CD46: variants seen among roughly 807,000 people sequenced by gnomAD.
CD46 encodes CD46 molecule.
In CD46, 30 loss-of-function variants were observed where a neutral mutation model predicts 53.3. The ratio of observed to expected loss-of-function variants is 0.56; its 90% CI spans 0.42 to 0.76. The LOEUF (loss-of-function observed/expected upper bound fraction) is 0.76. Ranked by LOEUF, CD46 falls within the 30% of genes least tolerant of loss-of-function variation. The probability of loss-of-function intolerance (pLI) is 0.00; values close to 1 mark genes in which losing one functional copy is unlikely to be tolerated. For missense variants in CD46, 409 were observed against 463.0 expected, an observed-to-expected ratio of 0.88 and a Z score of 1.07; for synonymous variants, 142 against 152.0, an observed-to-expected ratio of 0.93 and a Z score of 0.48.
intron 3 of CD46, among the ~76,000 whole-genome samples, chr1:207,757,851 C>A (rs1655739332): frequency 6.6e-6 from 1 of 152,224 alleles, no homozygotes; most frequent in Non-Finnish European, 1.5e-5. Flanking sequence ...AAACTACTTG[C>A]TGTTTCTGAC....
chr1:207,788,360 C>CAA (rs1205954774), intron 11 of CD46, among the ~76,000 whole-genome samples: 50 of 80,100 alleles, frequency 6.2e-4, no homozygotes, highest in Middle Eastern at 0.013. Context: ...ACTAAAAATA[C>CAA]AAAAAAAAAA....
intron 8 of CD46, among the ~76,000 whole-genome samples, chr1:207,772,151 C>T (rs1479669538): frequency 6.6e-6 from 1 of 152,096 alleles, no homozygotes; most frequent in East Asian, 1.9e-4. Flanking sequence ...GTATTTTATT[C>T]TCTTTGTAGC....
At chr1:207,765,306 T>C (rs1656721580) in intron 5 of CD46, among the ~76,000 whole-genome samples, 1 of 152,252 alleles carries the variant, frequency 6.6e-6, no homozygotes, top group African/African-American at 2.4e-5. Flanking sequence ...AGAAGGGTAC[T>C]ATCTATCTTA....
At chr1:207,791,612 T>C (rs982473576) in intron 12 of CD46, among the ~76,000 whole-genome samples, 39 of 152,326 alleles carry the variant, frequency 2.6e-4, no homozygotes, top group Non-Finnish European at 4.7e-4. Context: ...AAAACGTAGT[T>C]CTGTAATTTT....
In CD46 at chr1:207,761,295, C is replaced by T. The variant is rs767236597; in HGVS notation, c.522C>T (p.Thr174=). The T allele has an allele frequency of 3.1e-6, 5 of 1,612,968 alleles. No homozygotes were observed. In the Admixed American group the frequency reaches 8.3e-5, roughly 27 times the overall value. ...CAAAAATAAAAAATGGAAAACACACCTTTAGTGAAGTAGAAGTATTTGAGT... is the reference window on the plus strand; with the variant it reads ...CAAAAATAAAAAATGGAAAACACACTTTTAGTGAAGTAGAAGTATTTGAGT... ...PPPKIKNGKH[T]FSEVEVFEYL... is the part of the protein sequence containing the mutation. The change falls in exon 5 of 13, where the codon ACC becomes ACT. Residue 174 remains threonine (T), a synonymous_variant. Transcript: ENST00000367042.
chr1:207,761,251 GT>G lies in CD46; in HGVS notation c.482del (p.Leu161CysfsTer8). 6.3e-7 allele frequency: 1 copy of G among 1,597,616 alleles called. No individual in the cohort carries two copies. Among genetic ancestry groups the G allele is most frequent in the Non-Finnish European group, 8.6e-7 (1 of 1,165,784 alleles). On this transcript the variant is annotated frameshift_variant, in exon 5 of 13. Coordinates refer to ENST00000367042, the MANE Select transcript of CD46 (RefSeq NM_172351.3). LOFTEE classifies it high-confidence loss of function. ...WSGKPPICEK[V>X]LCTPPPKIKN... The stretch of plus-strand genomic sequence containing the variant: ...TCCTCTTTTTCTTCATTTTTAAGAG[GT>G]TTTGTGTACACCACCTCCAAAAATA...
Position 207,785,023 on chromosome 1 carries a change from A to C in CD46, c.983-48A>C, listed in dbSNP as rs374351709. On this transcript the variant is annotated intron_variant, in intron 9 of 12. Coordinates refer to ENST00000367042, the MANE Select transcript of CD46 (RefSeq NM_172351.3). Reference sequence around the variant, plus strand: ...AGATGATCTGATTGAAATAAATGCTATCTGGAGATCCATGTGTTCAACATC... The same window carrying C: ...AGATGATCTGATTGAAATAAATGCTCTCTGGAGATCCATGTGTTCAACATC... 13 of 1,510,134 alleles carry C rather than the reference A, an allele frequency of 8.6e-6. No individual in the cohort carries two copies. In the African/African-American group the frequency reaches 1.2e-4, roughly 14 times the overall value. The allele number at this position is 1,510,134 out of a possible 1,614,324, so 93.5% of individuals were successfully genotyped here.
chr1:207,790,565 A>G (rs572790286), intron 12 of CD46, among the ~76,000 whole-genome samples: 3 of 152,312 alleles, frequency 2.0e-5, no homozygotes, highest in Admixed American at 2.0e-4. Context: ...CTTTAAATAG[A>G]GTTATGTTCC....
chr1:207,772,267 G>A (rs146222814), intron 8 of CD46, among the ~76,000 whole-genome samples: 13 of 152,286 alleles, frequency 8.5e-5, no homozygotes, highest in Admixed American at 3.3e-4. Flanking sequence ...CTGAGACTTC[G>A]CTGAAGTTGT....
At chr1:207,753,475 A>G (rs567929620) in intron 1 of CD46, among the ~76,000 whole-genome samples, 3 of 152,296 alleles carry the variant, frequency 2.0e-5, no homozygotes, top group African/African-American at 7.2e-5. Flanking sequence ...TTCAAGATCA[A>G]CCTGGGCAAC....
At chr1:207,773,656 A>G (rs1268221931) in intron 8 of CD46, among the ~76,000 whole-genome samples, 2 of 152,004 alleles carry the variant, frequency 1.3e-5, no homozygotes, top group Admixed American at 6.5e-5. Flanking sequence ...TTATTTACCC[A>G]GTAGTCATTC....
chr1:207,785,548 T>C, intron 10 of CD46, 71 bp from the exon 11 acceptor site: 1 of 1,048,856 alleles, frequency 9.5e-7, no homozygotes, highest in Non-Finnish European at 1.5e-6. Context: ...CATTTATTTC[T>C]TCTGCTAGAT....
At chr1:207,766,980 T>C (rs992780212) in intron 5 of CD46, 33 bp from the exon 6 acceptor site, 5 of 1,559,462 alleles carry the variant, frequency 3.2e-6, no homozygotes, top group Non-Finnish European at 4.4e-6. Flanking sequence ...AAAGCAGATA[T>C]CCATTAATTC....
intron 8 of CD46, among the ~76,000 whole-genome samples, chr1:207,770,701 C>T (rs1657422059): frequency 6.6e-6 from 1 of 152,174 alleles, no homozygotes; most frequent in Non-Finnish European, 1.5e-5. Context: ...TGGTTTCCAG[C>T]TTCATCCATG....
rs1255421232 is a variant in CD46 at position 207,767,147 on chromosome 1, TGTGACA to T, written c.811_816del (p.Asp271_Ser272del). 15 of 1,613,820 alleles carry T rather than the reference TGTGACA, an allele frequency of 9.3e-6. No individual in the cohort carries two copies. The highest frequency in any genetic ancestry group is 1.3e-5 in the Non-Finnish European group (15 of 1,179,798). ...CCTCGATGGCAGCGACACAATTGTC[TGTGACA>T]GTAACAGTACTTGGGATCCCCCAGT... is the stretch of plus-strand genomic sequence containing the variant. On this transcript the variant is annotated inframe_deletion, in exon 6 of 13. Coordinates refer to ENST00000367042, the MANE Select transcript of CD46 (RefSeq NM_172351.3).
intron 5 of CD46, chr1:207,762,450 A>C (rs1291819956): frequency 6.6e-6 from 1 of 152,208 alleles, no homozygotes; most frequent in Non-Finnish European, 1.5e-5. Flanking sequence ...AAGAAAAAAA[A>C]ATAGAGGAAA....
chr1:207,781,385 T>TG (rs2102669793), intron 8 of CD46, among the ~76,000 whole-genome samples: 1 of 152,258 alleles, frequency 6.6e-6, no homozygotes, highest in Non-Finnish European at 1.5e-5. Flanking sequence ...TTCTGTGGGT[T>TG]GCCTTTTCAC....
At chr1:207,785,559 G>T in intron 10 of CD46, 60 bp from the exon 11 acceptor site, 1 of 1,161,740 alleles carries the variant, frequency 8.6e-7, no homozygotes, top group Non-Finnish European at 1.3e-6. Flanking sequence ...TCTGCTAGAT[G>T]TTGAATCTTG....
At chr1:207,772,960 G>T (rs577645317) in intron 8 of CD46, among the ~76,000 whole-genome samples, 1 of 152,342 alleles carries the variant, frequency 6.6e-6, no homozygotes, top group African/African-American at 2.4e-5. Context: ...GATTGAAATA[G>T]TTTCAAAGGA....
Sources: gnomAD v4.1 joint callset for allele counts (sites outside exome capture counted in the v4.1 genomes callset) on GRCh38, gnomAD v4.1.1 for gene constraint, MANE v1.5 for transcripts, NCBI Gene and HGNC (gene_info 2026-07-23, HGNC 2026-07-21) for gene names.